The following WDR62 variants were observed in gnomAD, a reference collection of about 807,000 sequenced individuals.
The protein encoded by WDR62 is WD repeat-containing protein 62.
WDR62 carries 112 observed loss-of-function variants against 160.6 expected under a neutral mutation model. The observed-to-expected ratio is 0.70, with a 90% CI of 0.60 to 0.82. The LOEUF (loss-of-function observed/expected upper bound fraction) is 0.82. Among genes scored for constraint, WDR62 ranks in the 40% least tolerant of loss-of-function variants. The pLI is 0.00. For synonymous variants in WDR62, 792 were observed against 815.1 expected (o/e 0.97, Z 0.48); for missense variants, 1,819 against 1,983.8 (o/e 0.92, Z 1.58).
chr19:36,097,386 T>C (rs1464000269), intron 21 of WDR62, among the ~76,000 whole-genome samples: 1 of 152,200 alleles, frequency 6.6e-6, no homozygotes, highest in Non-Finnish European at 1.5e-5. Context: ...GGTTGGGTGC[T>C]GATAAGTGCT....
intron 20 of WDR62, among the ~76,000 whole-genome samples, chr19:36,096,136 G>A (rs1972941192): frequency 6.6e-6 from 1 of 152,150 alleles, no homozygotes; most frequent in Admixed American, 6.5e-5. Context: ...TGTTGCCCAG[G>A]CTGGAGTTCA....
chr19:36,089,103 C>A lies in WDR62; in HGVS notation c.1834C>A (p.Gln612Lys). Residue 612 changes from glutamine (Q) to lysine (K), a missense_variant and splice_region_variant, in exon 14 of 32, where the codon CAG (glutamine) becomes AAG (lysine). Transcript: ENST00000401500. ...DKSIYFRSAQQGSDGLHFVRT... is the reference protein window; with the variant it reads ...DKSIYFRSAQKGSDGLHFVRT... ...GAGCATCTACTTTCGCAGTGCCCAG[C>A]AGGTAGGGTGGCATGGCCTCCTTGG... 1.2e-6 allele frequency: 2 copies of A among 1,614,072 alleles called. No homozygotes were observed. Among genetic ancestry groups the A allele is most frequent in the Non-Finnish European group, 1.7e-6 (2 of 1,180,006 alleles).
Position 36,071,545 on chromosome 19 carries a change from T to G in WDR62, c.883-11T>G, listed in dbSNP as rs1450954227. On this transcript the variant is annotated splice_polypyrimidine_tract_variant and intron_variant, in intron 7 of 31. Coordinates refer to ENST00000401500, the MANE Select transcript of WDR62 (RefSeq NM_001083961.2). ...GCACCAAATCCACTGGGGTCCCTTT[T>G]GCCCCTACAGGTCTCCCTGTCTTCC... 2.5e-6 allele frequency: 4 copies of G among 1,614,208 alleles called. No homozygotes were observed. Among genetic ancestry groups the G allele is most frequent in the Non-Finnish European group, 3.4e-6 (4 of 1,180,026 alleles).
intron 2 of WDR62, among the ~76,000 whole-genome samples, chr19:36,059,263 G>A (rs1896128427): frequency 1.3e-5 from 2 of 152,078 alleles, no homozygotes; most frequent in South Asian, 2.1e-4. Context: ...TAGTTGAGAA[G>A]ACTGAAGAAG....
chr19:36,071,762 C>A, intron 8 of WDR62, 46 bp downstream of exon 8: 1 of 1,590,310 alleles, frequency 6.3e-7, no homozygotes, highest in South Asian at 1.1e-5. Flanking sequence ...CACCCAGAGT[C>A]TGTCCACTGG....
intron 22 of WDR62, among the ~76,000 whole-genome samples, chr19:36,100,377 A>G (rs1973253670): frequency 6.6e-6 from 1 of 152,218 alleles, no homozygotes; most frequent in African/African-American, 2.4e-5. Flanking sequence ...ACGTGTGTCC[A>G]CTACCCTGGG....
At chr19:36,101,835 A>G in intron 25 of WDR62, 61 bp downstream of exon 25, 1 of 1,508,650 alleles carries the variant, frequency 6.6e-7, no homozygotes, top group Non-Finnish European at 9.0e-7. Flanking sequence ...GGCCAGTCAC[A>G]ATGTCTAAGC....
intron 10 of WDR62, among the ~76,000 whole-genome samples, chr19:36,082,475 G>A (rs1306374791): frequency 6.6e-6 from 1 of 152,142 alleles, no homozygotes; most frequent in African/African-American, 2.4e-5. Context: ...AGTGTGATTG[G>A]AACTAAAAAG....
At chr19:36,068,068 C>T in intron 7 of WDR62, 58 bp downstream of exon 7, 1 of 1,559,082 alleles carries the variant, frequency 6.4e-7, no homozygotes, top group Non-Finnish European at 8.7e-7. Flanking sequence ...TATGTGTCTG[C>T]AGGGGTGCTC....
In WDR62 at chr19:36,072,087, T is replaced by C. The variant is rs1297295246; in HGVS notation, c.1043+371T>C. On this transcript the variant is annotated intron_variant, in intron 8 of 31. Transcript: ENST00000401500. ...TGGGCTGGAAGCAGGACATGCCTATTATAATGAAGCAGCAAAATCTCTGCC... is the reference window on the plus strand; with the variant it reads ...TGGGCTGGAAGCAGGACATGCCTATCATAATGAAGCAGCAAAATCTCTGCC... Among the ~76,000 whole-genome samples the C allele has an allele frequency of 2.0e-5, 3 of 152,216 alleles. No individual in the cohort carries two copies. In the East Asian group the frequency reaches 5.8e-4, roughly 29 times the overall value.
rs764647175 is a variant in WDR62 at position 36,058,822 on chromosome 19, A to G, written c.220A>G (p.Ser74Gly). ...GCTTGGCATCACAGCCCAGAACAGCAGTGGCCTAACCTGTGACCCCGGCAC... is the reference window on the plus strand; with the variant it reads ...GCTTGGCATCACAGCCCAGAACAGCGGTGGCCTAACCTGTGACCCCGGCAC... ...KVLGITAQNS[S>G]GLTCDPGTGH... is the part of the protein sequence containing the mutation. Residue 74 changes from serine to glycine, a missense_variant, in exon 2 of 32, where the codon AGT (serine) becomes GGT (glycine). Ser to Gly is a moderately conservative substitution (Grantham distance 56). Transcript: ENST00000401500. The G allele has an allele frequency of 2.0e-5, 32 of 1,614,250 alleles. No individual in the cohort carries two copies. The highest frequency in any genetic ancestry group is 5.0e-5 in the Admixed American group (3 of 60,028).
At chr19:36,070,075 A>AT (rs1971213070) in intron 7 of WDR62, among the ~76,000 whole-genome samples, 1 of 148,170 alleles carries the variant, frequency 6.7e-6, no homozygotes, top group Non-Finnish European at 1.5e-5. Context: ...TTTTTTAAAA[A>AT]TTGGAGGTAC....
Position 36,067,532 on chromosome 19 carries a change from G to C in WDR62, c.699+89G>C, listed in dbSNP as rs1568330288. ...TCTCCTGTTTCTCCCTGAGATTTGA[G>C]GGCAGCGGTCTCGGGCCATTTGGCC... On this transcript the variant is annotated intron_variant, in intron 6 of 31. Transcript: ENST00000401500. 3.0e-5 allele frequency: 48 copies of C among 1,588,604 alleles called. No homozygotes were observed. In the East Asian group the frequency reaches 9.8e-4, roughly 33 times the overall value.
chr19:36,094,707 T>C (rs1158541731), intron 20 of WDR62, among the ~76,000 whole-genome samples: 2 of 151,024 alleles, frequency 1.3e-5, no homozygotes, highest in South Asian at 2.1e-4. Flanking sequence ...CTGGGCAACA[T>C]AGCGAGAGCC....
chr19:36,096,905 G>A lies in WDR62; in HGVS notation c.2468-122G>A, dbSNP rs141570654. On this transcript the variant is annotated intron_variant, in intron 20 of 31. Transcript: ENST00000401500. ...TTAAGTTTGCATTTCCCTAACCCCC[G>A]GTGCTGTTGAGCCTTCTGACTTCTG... The A allele has an allele frequency of 2.2e-3, 1,890 of 840,004 alleles. 7 individuals carry two copies. The highest frequency in any genetic ancestry group is 5.2e-3 in the South Asian group (363 of 69,532). 52.0% of individuals were successfully genotyped at this position (840,004 alleles called of 1,614,324 possible).
rs1370000298 is a variant in WDR62, at chr19:36,085,277, G to T, written c.1642+533G>T. 2.6e-5 allele frequency among the ~76,000 whole-genome samples: 4 copies of T among 151,784 alleles called. No homozygotes were observed. The East Asian group carries it at 7.8e-4, about 29-fold the overall frequency. On this transcript the variant is annotated intron_variant, in intron 12 of 31. Coordinates refer to ENST00000401500, the MANE Select transcript of WDR62 (RefSeq NM_001083961.2). ...ATTACAGGTGCCTGCTGCCATGCCT[G>T]GCCAATTTTTGTATTTTTAGTAGAG...
chr19:36,057,603 C>T (rs1357609046), intron 1 of WDR62, among the ~76,000 whole-genome samples: 1 of 152,054 alleles, frequency 6.6e-6, no homozygotes, highest in Non-Finnish European at 1.5e-5. Context: ...CAACCTCCGC[C>T]TCCTGGGTTC....
chr19:36,095,726 G>A (rs1047873410), intron 20 of WDR62, among the ~76,000 whole-genome samples: 6 of 152,152 alleles, frequency 3.9e-5, no homozygotes, highest in African/African-American at 7.2e-5. Context: ...CCTGGGAGAC[G>A]GAGGTTGCAG....
Position 36,073,503 on chromosome 19 carries a change from T to C in WDR62, c.1205T>C (p.Phe402Ser). The C allele has an allele frequency of 6.2e-7, 1 of 1,613,524 alleles. No individual in the cohort carries two copies. The highest frequency in any genetic ancestry group is 8.5e-7 in the Non-Finnish European group (1 of 1,179,764). ...GTGGGCAAGGTGTGGTCAGAGCTCT[T>C]CCACAGCTCCTACGTTTGGAACGTG... is the stretch of plus-strand genomic sequence containing the variant. ...NRVGKVWSEL[F>S]HSSYVWNVEV... The change falls in exon 9 of 32, where the codon TTC (phenylalanine) becomes TCC (serine). Residue 402 changes from phenylalanine (F) to serine (S), a missense_variant. Coordinates refer to ENST00000401500, the MANE Select transcript of WDR62 (RefSeq NM_001083961.2).
Sources: allele counts gnomAD v4.1 joint callset (sites outside exome capture counted in the v4.1 genomes callset), GRCh38; gene constraint gnomAD v4.1.1; transcripts MANE v1.5; gene names NCBI Gene and HGNC (gene_info 2026-07-23, HGNC 2026-07-21).